The following STRIP1 variants were observed in gnomAD, a reference collection of about 807,000 sequenced individuals.
STRIP1 encodes striatin interacting protein 1, also known as striatin-interacting protein 1.
Under a neutral mutation model 106.2 loss-of-function variants are expected in STRIP1, and 63 were observed. That is an observed-to-expected ratio of 0.59 (90% CI 0.48 to 0.73). The LOEUF is 0.73. STRIP1 is among the 30% of genes least tolerant of loss of function. The pLI is 0.00. For synonymous variants in STRIP1, 390 were observed against 413.0 expected (o/e 0.94, Z 0.67); for missense variants, 857 against 1,074.8 (o/e 0.80, Z 2.83).
At chr1:110,033,264 A>C, upstream of STRIP1, among the ~76,000 whole-genome samples, 1 of 149,912 alleles carries the variant, frequency 6.7e-6, no homozygotes. Context: ...TAACCTCTCA[A>C]TTTTTGTTAC....
Position 110,039,120 on chromosome 1 carries a change from C to G in STRIP1, c.326-52C>G. Reference sequence around the variant, plus strand: ...TTTGGTGAGTTAACATGGGTCCATGCCATTGTGAGGATTTTTCTAGGCTCA... The same window carrying G: ...TTTGGTGAGTTAACATGGGTCCATGGCATTGTGAGGATTTTTCTAGGCTCA... On this transcript the variant is annotated intron_variant, in intron 3 of 20. Coordinates refer to ENST00000369795, the MANE Select transcript of STRIP1 (RefSeq NM_033088.4). 1.9e-6 allele frequency: 3 copies of G among 1,605,492 alleles called. No individual in the cohort carries two copies. In the South Asian group the frequency reaches 3.3e-5, roughly 18 times the overall value.
chr1:110,031,885 AT>A (rs1375561469), upstream of STRIP1, among the ~76,000 whole-genome samples: 2 of 150,252 alleles, frequency 1.3e-5, no homozygotes, highest in African/African-American at 4.9e-5. Flanking sequence ...TTTTTCAAAA[AT>A]TTTTTTAATT....
chr1:110,034,920 G>A, intron 1 of STRIP1, 103 bp downstream of exon 1: 1 of 1,151,004 alleles, frequency 8.7e-7, no homozygotes, highest in Non-Finnish European at 1.2e-6. Context: ...CGGAGGGCTC[G>A]GTAGAGTCCG....
At chr1:110,035,632 C>T (rs1054532178) in intron 1 of STRIP1, among the ~76,000 whole-genome samples, 6 of 152,134 alleles carry the variant, frequency 3.9e-5, no homozygotes, top group African/African-American at 1.4e-4. Context: ...TGAAGATACT[C>T]ATGTCGCGGA....
chr1:110,047,013 G>A (rs567989035), intron 13 of STRIP1, among the ~76,000 whole-genome samples: 1 of 152,284 alleles, frequency 6.6e-6, no homozygotes, highest in East Asian at 1.9e-4. Flanking sequence ...TAGCGCCACT[G>A]CACTCCAGCC....
In STRIP1 at chr1:110,054,180, G is replaced by C; in HGVS notation, c.*268G>C. On this transcript the variant is annotated 3_prime_UTR_variant, in exon 21 of 21. Transcript: ENST00000369795. ...CCTCTCTTGGATATGGTTGGTTTTG[G>C]CTCATTTCACAATCAGCCCAAGGCT... 2.2e-6 allele frequency: 1 copy of C among 457,508 alleles called. No homozygotes were observed. Among genetic ancestry groups the C allele is most frequent in the South Asian group, 2.4e-5 (1 of 41,880 alleles). The allele number at this position is 457,508 out of a possible 1,614,324, so 28.3% of individuals were successfully genotyped here. A position where few individuals can be genotyped will look rare whatever the true frequency, so the allele number is the denominator to read the frequency against.
At position 110,045,027 on chromosome 1, in the gene STRIP1, A is replaced by G; in HGVS notation, c.1365A>G (p.Thr455=). The change falls in exon 12 of 21, where the codon ACA becomes ACG. Residue 455 remains threonine (T), a synonymous_variant. Transcript: ENST00000369795. ...CTTTATTCTCCAGTGACACGAACAC[A>G]GTGGTGGGGCTGCCCAGGCCAATCC... The part of the protein sequence containing the change: ...IGYTLGSDTN[T]VVGLPRPIHE... 6.2e-7 allele frequency: 1 copy of G among 1,614,144 alleles called. No individual in the cohort carries two copies.
At chr1:110,031,956 A>T (rs1652202728), upstream of STRIP1, among the ~76,000 whole-genome samples, 1 of 149,274 alleles carries the variant, frequency 6.7e-6, no homozygotes, top group African/African-American at 2.5e-5. Flanking sequence ...CTGGTCTCAA[A>T]TTCCTGGGCT....
At chr1:110,043,909 C>T in intron 10 of STRIP1, 53 bp downstream of exon 10, 1 of 1,523,272 alleles carries the variant, frequency 6.6e-7, no homozygotes, top group Non-Finnish European at 9.1e-7. Flanking sequence ...AGCCCTCACA[C>T]CCTCAGGCCT....
chr1:110,039,014 A>G (rs898669064), intron 3 of STRIP1, 158 bp from the exon 4 acceptor site: 1 of 906,074 alleles, frequency 1.1e-6, no homozygotes, highest in African/African-American at 1.7e-5. Flanking sequence ...TCAGTTTGGA[A>G]TCAAATTCAT....
At chr1:110,034,611 T>G, upstream of STRIP1, 1 of 1,484,408 alleles carries the variant, frequency 6.7e-7, no homozygotes, top group East Asian at 2.8e-5. Context: ...TGTGCGCGAG[T>G]TAAGCTGGGG....
chr1:110,038,097 TA>T (rs1557787737), intron 2 of STRIP1, 137 bp downstream of exon 2: 1 of 170,204 alleles, frequency 5.9e-6, no homozygotes, highest in Admixed American at 6.5e-5. Flanking sequence ...TATATATATA[TA>T]TATATATATA....
Position 110,038,682 on chromosome 1 carries a change from G to C in STRIP1, c.251-1G>C. 2 of 1,613,846 alleles carry C rather than the reference G, an allele frequency of 1.2e-6. No homozygotes were observed. Among genetic ancestry groups the C allele is most frequent in the Non-Finnish European group, 1.7e-6 (2 of 1,179,744 alleles). ...ATGGTGACGAGACTTTGTTCTGACA[G>C]AGCTTTACAGCTACACGGAAGGGCC... On this transcript the variant is annotated splice_acceptor_variant, in intron 2 of 20. Transcript: ENST00000369795. LOFTEE classifies it high-confidence loss of function.
intron 9 of STRIP1, 78 bp downstream of exon 9, chr1:110,043,348 C>A: frequency 7.0e-7 from 1 of 1,422,942 alleles, no homozygotes; most frequent in Non-Finnish European, 9.7e-7. Flanking sequence ...CTTGGAGGAG[C>A]AGGGCTGCTG....
chr1:110,040,834 T>C, intron 6 of STRIP1, 131 bp downstream of exon 6: 1 of 734,950 alleles, frequency 1.4e-6, no homozygotes, highest in Non-Finnish European at 2.2e-6. Context: ...TGTGATGGGC[T>C]CAGTGTGAAT....
intron 15 of STRIP1, 124 bp from the exon 16 acceptor site, chr1:110,048,988 C>T (rs1235638809): frequency 1.7e-6 from 2 of 1,147,302 alleles, no homozygotes; most frequent in African/African-American, 1.5e-5. Flanking sequence ...CTGAGATGTC[C>T]TTGGGGTGAG....
Position 110,050,970 on chromosome 1 carries a change from T to C in STRIP1, c.1971T>C (p.Ser657=). 6.2e-7 allele frequency: 1 copy of C among 1,610,964 alleles called. No individual in the cohort carries two copies. The highest frequency in any genetic ancestry group is 1.3e-5 in the African/African-American group (1 of 74,980). The change falls in exon 19 of 21, where the codon AGT becomes AGC. Residue 657 remains serine (S), a synonymous_variant. Coordinates refer to ENST00000369795, the MANE Select transcript of STRIP1 (RefSeq NM_033088.4). ...LTAESLEAGD[S]NQFCWRNLFS... ...TTACCCTGCAGGAAGCAGGTGACAG[T>C]AACCAATTTTGCTGGAGGAACCTCT...
intron 6 of STRIP1, chr1:110,041,035 A>G (rs547296255): frequency 1.8e-4 from 41 of 234,230 alleles, no homozygotes; most frequent in African/African-American, 8.6e-4. Flanking sequence ...CTGGACTCCC[A>G]CCTTCTTGTG....
At chr1:110,051,929 G>T in intron 20 of STRIP1, 42 bp downstream of exon 20, 2 of 1,597,438 alleles carry the variant, frequency 1.3e-6, no homozygotes, top group Middle Eastern at 2.3e-4. Flanking sequence ...GGAGTGTGTC[G>T]GGAAAAGTGA....
Sources: gnomAD v4.1 joint callset for allele counts (sites outside exome capture counted in the v4.1 genomes callset) on GRCh38, gnomAD v4.1.1 for gene constraint, MANE v1.5 for transcripts, NCBI Gene and HGNC (gene_info 2026-07-23, HGNC 2026-07-21) for gene names.